NRXN3: variants seen among roughly 807,000 people sequenced by gnomAD.
NRXN3 encodes neurexin 3.
A neutral mutation model predicts 137.6 loss-of-function variants in NRXN3; 32 were observed. The ratio of observed to expected loss-of-function variants is 0.23; its 90% CI spans 0.18 to 0.31. The LOEUF (loss-of-function observed/expected upper bound fraction) is 0.31. Among genes scored for constraint, NRXN3 ranks in the 10% least tolerant of loss-of-function variants. NRXN3 has a pLI of 1.00. For synonymous variants in NRXN3, 798 were observed against 784.5 expected, an observed-to-expected ratio of 1.02 and a Z score of -0.29; for missense variants, 1,574 against 2,062.5, an observed-to-expected ratio of 0.76 and a Z score of 4.59.
intron 20 of NRXN3, among the ~76,000 whole-genome samples, chr14:79,843,223 T>G (rs2099359839): frequency 6.6e-6 from 1 of 152,228 alleles, no homozygotes; most frequent in Non-Finnish European, 1.5e-5. Context: ...GCAAGTCACA[T>G]GAATTTCTTG....
chr14:79,111,610 A>G (rs2053534068), intron 15 of NRXN3, among the ~76,000 whole-genome samples: 1 of 151,986 alleles, frequency 6.6e-6, no homozygotes, highest in Non-Finnish European at 1.5e-5. Context: ...GTGGTGATGC[A>G]TGATATAGTC....
chr14:79,510,291 T>C (rs1398085853), intron 16 of NRXN3, among the ~76,000 whole-genome samples: 6 of 152,176 alleles, frequency 3.9e-5, no homozygotes, highest in African/African-American at 1.2e-4. Flanking sequence ...CTGTATGCCA[T>C]TGGAGTCAGG....
intron 19 of NRXN3, among the ~76,000 whole-genome samples, chr14:79,700,956 G>T (rs2098752371): frequency 6.6e-6 from 1 of 152,062 alleles, no homozygotes. Context: ...GTGTGTGAGT[G>T]ATAATTCTCA....
rs184742868 is a variant in NRXN3 at position 78,858,520 on chromosome 14, T to C, written c.2275+48176T>C. Among the ~76,000 whole-genome samples, 265 of 152,288 alleles carry C rather than the reference T, an allele frequency of 1.7e-3. 1 individual carries two copies. The highest frequency in any genetic ancestry group is 5.7e-3 in the African/African-American group (237 of 41,554). ...GGAGGAGGAATCTCAATATTTTTCTTCATTAGGACAGTTATAATGTTGAGA... is the reference window on the plus strand; with the variant it reads ...GGAGGAGGAATCTCAATATTTTTCTCCATTAGGACAGTTATAATGTTGAGA... On this transcript the variant is annotated intron_variant, in intron 10 of 20. Coordinates refer to ENST00000335750, the MANE Select transcript of NRXN3 (RefSeq NM_001330195.2).
intron 15 of NRXN3, among the ~76,000 whole-genome samples, chr14:79,442,707 A>T (rs1456488531): frequency 1.3e-5 from 2 of 152,132 alleles, no homozygotes; most frequent in East Asian, 3.9e-4. Context: ...AAAAAACACT[A>T]TTGTTGGGTC....
At chr14:78,440,192 T>C (rs2094198233) in intron 4 of NRXN3, among the ~76,000 whole-genome samples, 2 of 152,204 alleles carry the variant, frequency 1.3e-5, no homozygotes, top group Admixed American at 1.3e-4. Flanking sequence ...AATGAGACAG[T>C]TAATCATTTG....
chr14:79,227,140 A>AATAT (rs200878621), intron 15 of NRXN3, among the ~76,000 whole-genome samples: 33 of 151,708 alleles, frequency 2.2e-4, no homozygotes, highest in Non-Finnish European at 4.4e-4. Flanking sequence ...AAAATGAAAA[A>AATAT]ATATATATAT....
At chr14:78,689,946 T>C (rs142486486) in intron 6 of NRXN3, among the ~76,000 whole-genome samples, 229 of 151,618 alleles carry the variant, frequency 1.5e-3, no homozygotes, top group African/African-American at 5.4e-3. Flanking sequence ...ATCTCTCACT[T>C]CTCCAACTCA....
intron 15 of NRXN3, among the ~76,000 whole-genome samples, chr14:79,234,309 T>TATATATATATATATATATA (rs2072865607): frequency 1.1e-5 from 1 of 93,472 alleles, no homozygotes; most frequent in Non-Finnish European, 2.0e-5. Flanking sequence ...TATATATATA[T>TATATATATATATATATATA]ATATATATAT....
chr14:79,455,206 T>C (rs2096242038), intron 15 of NRXN3, among the ~76,000 whole-genome samples: 1 of 152,220 alleles, frequency 6.6e-6, no homozygotes. Flanking sequence ...ATCTCTTTTC[T>C]CTTCATAGGC....
At chr14:79,678,126 T>C (rs2098650504) in intron 17 of NRXN3, among the ~76,000 whole-genome samples, 1 of 151,444 alleles carries the variant, frequency 6.6e-6, no homozygotes, top group South Asian at 2.1e-4. Flanking sequence ...CACTCACCAC[T>C]CTCATTCTTC....
chr14:78,580,744 A>G (rs1387014395), intron 4 of NRXN3, among the ~76,000 whole-genome samples: 3 of 152,180 alleles, frequency 2.0e-5, no homozygotes, highest in Admixed American at 6.5e-5. Flanking sequence ...ACTTGTATAC[A>G]TGATTCATAC....
intron 4 of NRXN3, among the ~76,000 whole-genome samples, chr14:78,364,181 C>G (rs1358567609): frequency 6.6e-6 from 1 of 152,186 alleles, no homozygotes; most frequent in Non-Finnish European, 1.5e-5. Context: ...TCAAAGAGAG[C>G]TTCACTAATA....
chr14:78,560,659 A>C (rs2152266654), intron 4 of NRXN3, among the ~76,000 whole-genome samples: 1 of 152,306 alleles, frequency 6.6e-6, no homozygotes, highest in Middle Eastern at 3.4e-3. Flanking sequence ...CAGAAGCTGA[A>C]GTGCAGGCTC....
At chr14:79,110,766 A>T (rs181637849) in intron 15 of NRXN3, among the ~76,000 whole-genome samples, 3 of 143,766 alleles carry the variant, frequency 2.1e-5, no homozygotes, top group East Asian at 2.0e-4. Context: ...TTATTATTTT[A>T]TTTATTTATT....
intron 4 of NRXN3, among the ~76,000 whole-genome samples, chr14:78,495,269 A>G (rs778655036): frequency 2.0e-5 from 3 of 151,920 alleles, no homozygotes; most frequent in Non-Finnish European, 4.4e-5. Context: ...AGACATCTGG[A>G]AAGAGGCTTT....
intron 15 of NRXN3, among the ~76,000 whole-genome samples, chr14:79,068,244 T>G (rs1317196402): frequency 1.3e-5 from 2 of 152,014 alleles, no homozygotes; most frequent in Admixed American, 6.6e-5. Context: ...ACATAGGAAG[T>G]GGTTTATTAT....
chr14:78,848,080 C>T (rs1003658584), intron 10 of NRXN3, among the ~76,000 whole-genome samples: 1 of 152,034 alleles, frequency 6.6e-6, no homozygotes, highest in African/African-American at 2.4e-5. Context: ...TAAGAGTTAC[C>T]CAAGGCTCAG....
intron 16 of NRXN3, among the ~76,000 whole-genome samples, chr14:79,605,478 C>G (rs1290627064): frequency 6.6e-6 from 1 of 151,942 alleles, no homozygotes; most frequent in Non-Finnish European, 1.5e-5. Flanking sequence ...CAGATGCTGT[C>G]AAGATACTGC....
Sources: gnomAD v4.1 joint callset for allele counts (sites outside exome capture counted in the v4.1 genomes callset) on GRCh38, gnomAD v4.1.1 for gene constraint, MANE v1.5 for transcripts, NCBI Gene and HGNC (gene_info 2026-07-23, HGNC 2026-07-21) for gene names.